ASXL2: variants seen among roughly 807,000 people sequenced by gnomAD.
ASXL2 encodes ASXL transcriptional regulator 2.
In ASXL2, 23 loss-of-function variants were observed where a neutral mutation model predicts 122.0. That is an observed-to-expected ratio of 0.19 (90% CI 0.14 to 0.27). The LOEUF (loss-of-function observed/expected upper bound fraction) is 0.27, where lower values mean the gene tolerates loss of function less well. Among genes scored for constraint, ASXL2 ranks in the 10% least tolerant of loss-of-function variants. The pLI is 1.00. For synonymous variants in ASXL2, 650 were observed against 637.0 expected, an observed-to-expected ratio of 1.02 and a Z score of -0.31; for missense variants, 1,518 against 1,713.8, an observed-to-expected ratio of 0.89 and a Z score of 2.02.
intron 1 of ASXL2, among the ~76,000 whole-genome samples, chr2:25,857,240 A>G (rs1371280191): frequency 6.6e-6 from 1 of 151,924 alleles, no homozygotes; most frequent in African/African-American, 2.4e-5. Flanking sequence ...GAAAAAGCAC[A>G]CCCTATTCTT....
chr2:25,856,021 G>A (rs558509003), intron 1 of ASXL2, among the ~76,000 whole-genome samples: 12 of 151,476 alleles, frequency 7.9e-5, no homozygotes, highest in African/African-American at 2.9e-4. Flanking sequence ...AGCCTCCCGA[G>A]TAGCTGGGAT....
rs12991178 is a variant in ASXL2 at position 25,742,709 on chromosome 2, T to G, written c.3628A>C (p.Thr1210Pro). 1.2e-6 allele frequency: 2 copies of G among 1,613,996 alleles called. No homozygotes were observed. Among genetic ancestry groups the G allele is most frequent in the Non-Finnish European group, 8.5e-7 (1 of 1,179,892 alleles). The change falls in exon 13 of 13, where the codon ACA becomes CCA. Residue 1210 changes from threonine (T) to proline (P), a missense_variant. Around this residue, in one of 8 missense-constraint regions of ASXL2, gnomAD observed 831 missense variants for 833.1 expected, o/e 1.00. Transcript: ENST00000435504. Reference protein sequence around the residue: ...QVSQSAGKGDTSSGPHSRETL... With the variant: ...QVSQSAGKGDPSSGPHSRETL... ...TCCCTGCTGTGAGGTCCTGAACTTGTGTCACCCTTGCCAGCACTCTGGGAA... is the reference window on the plus strand; with the variant it reads ...TCCCTGCTGTGAGGTCCTGAACTTGGGTCACCCTTGCCAGCACTCTGGGAA...
intron 5 of ASXL2, among the ~76,000 whole-genome samples, chr2:25,775,695 G>A (rs1559507739): frequency 1.3e-5 from 2 of 152,074 alleles, no homozygotes; most frequent in African/African-American, 4.8e-5. Flanking sequence ...CAGCCATGTG[G>A]AACTAACTAT....
At chr2:25,759,414 C>T in intron 9 of ASXL2, 68 bp downstream of exon 9, 1 of 1,466,858 alleles carries the variant, frequency 6.8e-7, no homozygotes, top group Non-Finnish European at 9.3e-7. Flanking sequence ...CACTTAGTAC[C>T]ATTAATACCA....
At chr2:25,753,505 T>G (rs758145461) in intron 11 of ASXL2, 29 bp downstream of exon 11, 2 of 1,551,936 alleles carry the variant, frequency 1.3e-6, no homozygotes, top group Non-Finnish European at 1.8e-6. Context: ...GAATTAACAT[T>G]TGGTTTATAG....
intron 12 of ASXL2, among the ~76,000 whole-genome samples, chr2:25,745,338 G>A (rs1049317503): frequency 2.0e-5 from 3 of 151,146 alleles, no homozygotes; most frequent in Admixed American, 6.6e-5. Flanking sequence ...TCTGCCACCC[G>A]AGTAGCTGGG....
rs2087691027 is a variant in ASXL2 at position 25,734,050 on chromosome 2, G to C, written c.*7979C>G. The C allele has an allele frequency of 7.1e-6, 1 of 141,574 alleles. No homozygotes were observed. Among genetic ancestry groups the C allele is most frequent in the Non-Finnish European group, 1.5e-5 (1 of 64,642 alleles). 8.8% of individuals were successfully genotyped at this position (141,574 alleles called of 1,614,324 possible). ...GGGTGCAATGCAGTCACAGAATTAA[G>C]ACAGGTTTTTTTTTTTTAAAAAAAA... On this transcript the variant is annotated 3_prime_UTR_variant, in exon 13 of 13. Coordinates refer to ENST00000435504, the MANE Select transcript of ASXL2 (RefSeq NM_018263.6).
In ASXL2 at chr2:25,835,531, T is replaced by C; in HGVS notation, c.143+7A>G. On this transcript the variant is annotated splice_region_variant and intron_variant, in intron 3 of 12. Coordinates refer to ENST00000435504, the MANE Select transcript of ASXL2 (RefSeq NM_018263.6). Reference sequence around the variant, plus strand: ...ATACTTCTTTAGAATAAAGTAATACTTCTTACCTTCTGGAGTTGGAATGCA... The same window carrying C: ...ATACTTCTTTAGAATAAAGTAATACCTCTTACCTTCTGGAGTTGGAATGCA... The C allele has an allele frequency of 3.3e-6, 1 of 300,944 alleles. No individual in the cohort carries two copies. The highest frequency in any genetic ancestry group is 7.2e-6 in the Non-Finnish European group (1 of 139,566). The allele number at this position is 300,944 out of a possible 1,614,324, so 18.6% of individuals were successfully genotyped here.
intron 5 of ASXL2, among the ~76,000 whole-genome samples, chr2:25,778,114 T>C (rs1191661640): frequency 6.6e-6 from 1 of 152,180 alleles, no homozygotes; most frequent in East Asian, 1.9e-4. Flanking sequence ...TGGCTGATAA[T>C]GGTGGCAACC....
In ASXL2 at chr2:25,735,908, C is replaced by T. The variant is rs939635096; in HGVS notation, c.*6121G>A. On this transcript the variant is annotated 3_prime_UTR_variant, in exon 13 of 13. Coordinates refer to ENST00000435504, the MANE Select transcript of ASXL2 (RefSeq NM_018263.6). ...TCTCAAACACTTCCATTTCATAACT[C>T]ATTTAAATTTTCAACCTATCTTGGG... The T allele has an allele frequency of 6.6e-6, 1 of 152,172 alleles. No individual in the cohort carries two copies. The highest frequency in any genetic ancestry group is 1.5e-5 in the Non-Finnish European group (1 of 68,038). 9.4% of individuals were successfully genotyped at this position (152,172 alleles called of 1,614,324 possible). A position where few individuals can be genotyped will look rare whatever the true frequency, so the allele number is the denominator to read the frequency against.
In ASXL2 at chr2:25,862,310, T is replaced by G. The variant is rs1180800796; in HGVS notation, c.57+15856A>C. Among the ~76,000 whole-genome samples the G allele has an allele frequency of 9.9e-5, 15 of 152,118 alleles. No individual in the cohort carries two copies. The East Asian group carries it at 1.9e-3, about 20-fold the overall frequency. ...ACAAAGAAATTTAGAAATTACAGTG[T>G]TTTAAGGCACCGAAAAACTAAGGAG... On this transcript the variant is annotated intron_variant, in intron 1 of 12. Transcript: ENST00000435504.
intron 5 of ASXL2, among the ~76,000 whole-genome samples, chr2:25,776,026 T>C (rs1302034475): frequency 6.6e-6 from 1 of 152,182 alleles, no homozygotes; most frequent in Non-Finnish European, 1.5e-5. Flanking sequence ...TAATTTTCCC[T>C]AGTAAGCTAA....
chr2:25,756,155 T>C, intron 9 of ASXL2, 41 bp from the exon 10 acceptor site: 1 of 1,339,780 alleles, frequency 7.5e-7, no homozygotes, highest in Non-Finnish European at 1.0e-6. Context: ...ACAAAGAAAG[T>C]GAAAGGTATC....
At chr2:25,837,794 G>A (rs1297454201) in intron 2 of ASXL2, among the ~76,000 whole-genome samples, 1 of 151,714 alleles carries the variant, frequency 6.6e-6, no homozygotes, top group Non-Finnish European at 1.5e-5. Flanking sequence ...AGGCTGCAGT[G>A]AGCCGTGATT....
In ASXL2 at chr2:25,768,830, T is replaced by C. The variant is rs775912687; in HGVS notation, c.543A>G (p.Gln181=). The change falls in exon 7 of 13, where the codon CAA becomes CAG. Residue 181 remains glutamine, a synonymous_variant. Transcript: ENST00000435504. ...AGGAGATGGATATGCTTGGCCTGCA[T>C]TGCTGCTGCTGCTTCTTCTGCTGTT... The part of the protein sequence containing the change: ...KQQQQKKQQQ[Q]CRPSISISSN... 5 of 1,613,812 alleles carry C rather than the reference T, an allele frequency of 3.1e-6. No individual in the cohort carries two copies. The highest frequency in any genetic ancestry group is 2.2e-5 in the East Asian group (1 of 44,888).
At chr2:25,756,750 C>T (rs1272628827) in intron 9 of ASXL2, among the ~76,000 whole-genome samples, 11 of 152,190 alleles carry the variant, frequency 7.2e-5, no homozygotes, top group Admixed American at 6.5e-4. Flanking sequence ...GCCACTGTAG[C>T]ACAAAAGTAG....
In ASXL2 at chr2:25,878,446, C is replaced by T; in HGVS notation, c.-224G>A. 2 of 591,600 alleles carry T rather than the reference C, an allele frequency of 3.4e-6. No homozygotes were observed. The highest frequency in any genetic ancestry group is 6.0e-6 in the Non-Finnish European group (2 of 332,772). The allele number at this position is 591,600 out of a possible 1,614,324, so 36.6% of individuals were successfully genotyped here. A position where few individuals can be genotyped will look rare whatever the true frequency, so the allele number is the denominator to read the frequency against. On this transcript the variant is annotated 5_prime_UTR_variant, in exon 1 of 13. It removes an upstream start codon present in the reference 5' UTR. Transcript: ENST00000435504. ...CCGTTGCCACTGCTACCGCCGCTGC[C>T]ATATTGGGTTCTTACTGTACAGGCT... is the stretch of plus-strand genomic sequence containing the variant.
At chr2:25,810,737 A>G (rs548406196) in intron 3 of ASXL2, 10 of 600,686 alleles carry the variant, frequency 1.7e-5, no homozygotes, top group South Asian at 1.5e-4. Context: ...CAGTGTATCA[A>G]GTCTTGCCTT....
rs200634004 is a variant in ASXL2, at chr2:25,744,200, C to A, written c.2137G>T (p.Gly713Cys). 1.1e-4 allele frequency: 179 copies of A among 1,614,022 alleles called. No homozygotes were observed. The African/African-American group carries it at 2.1e-3, about 19-fold the overall frequency. Reference sequence around the variant, plus strand: ...CTGACTCTGTCTGAGCCTGGACTGCCTCCTCTAGCAGTCTGCCCTTCACCA... The same window carrying A: ...CTGACTCTGTCTGAGCCTGGACTGCATCCTCTAGCAGTCTGCCCTTCACCA... ...EGGEGQTARG[G>C]SPGSDRVSET... The change falls in exon 13 of 13, where the codon GGC (glycine) becomes TGC (cysteine). Residue 713 changes from glycine (G) to cysteine (C), a missense_variant. Gly to Cys is a radical substitution (Grantham distance 159). Transcript: ENST00000435504. This position sits in a 1 kb window ranked among gnomAD's most constrained non-coding sequence, Gnocchi z 4.7.
Sources: gnomAD v4.1 joint callset for allele counts (sites outside exome capture counted in the v4.1 genomes callset) on GRCh38, gnomAD v4.1.1 for gene constraint, gnomAD v4.1.1 regional missense constraint, Gnocchi (gnomAD v3.1) non-coding constraint, MANE v1.5 for transcripts, NCBI Gene and HGNC (gene_info 2026-07-23, HGNC 2026-07-21) for gene names.